LIN9: variants seen among roughly 807,000 people sequenced by gnomAD.
The protein encoded by LIN9 is protein lin-9 homolog.
In LIN9, 18 loss-of-function variants were observed where a neutral mutation model predicts 78.0. The ratio of observed to expected loss-of-function variants is 0.23; its 90% CI spans 0.16 to 0.34. LIN9 has a LOEUF of 0.34. Among genes scored for constraint, LIN9 ranks in the 10% least tolerant of loss-of-function variants. LIN9 has a pLI of 1.00. For synonymous variants in LIN9, 192 were observed against 215.2 expected (o/e 0.89, Z 0.94); for missense variants, 451 against 644.1 (o/e 0.70, Z 3.25).
At chr1:226,242,287 G>T (rs1658164428) in intron 11 of LIN9, among the ~76,000 whole-genome samples, 2 of 152,164 alleles carry the variant, frequency 1.3e-5, no homozygotes, top group African/African-American at 4.8e-5. Context: ...ATATGTTTGT[G>T]TGTGTACGAA....
chr1:226,236,116 T>A (rs1657687916), intron 12 of LIN9, among the ~76,000 whole-genome samples: 1 of 152,182 alleles, frequency 6.6e-6, no homozygotes, highest in African/African-American at 2.4e-5. Context: ...TGTTTATTTC[T>A]AATATTTTTT....
intron 1 of LIN9, among the ~76,000 whole-genome samples, chr1:226,301,531 G>C (rs183431937): frequency 1.3e-5 from 2 of 152,288 alleles, no homozygotes; most frequent in Admixed American, 1.3e-4. Flanking sequence ...GCGTGCTGTG[G>C]TGCTGGAAGA....
At chr1:226,270,297 A>G (rs778049264) in intron 7 of LIN9, among the ~76,000 whole-genome samples, 10 of 152,164 alleles carry the variant, frequency 6.6e-5, no homozygotes, top group Non-Finnish European at 1.2e-4. Flanking sequence ...TAATAAATAT[A>G]AGAATAAAAA....
chr1:226,240,608 C>T (rs542034238), intron 11 of LIN9, among the ~76,000 whole-genome samples: 42 of 152,150 alleles, frequency 2.8e-4, no homozygotes, highest in Non-Finnish European at 5.4e-4. Flanking sequence ...AGGCTGGTCT[C>T]GAACTCCTGA....
chr1:226,256,697 T>TA (rs1276057822), intron 10 of LIN9, among the ~76,000 whole-genome samples: 2 of 151,510 alleles, frequency 1.3e-5, no homozygotes, highest in African/African-American at 4.8e-5. Context: ...TAGCTGGGAC[T>TA]ACAGGCGCCC....
chr1:226,241,653 T>C (rs1217966644), intron 11 of LIN9, among the ~76,000 whole-genome samples: 1 of 151,984 alleles, frequency 6.6e-6, no homozygotes, highest in East Asian at 1.9e-4. Flanking sequence ...GGTCAGGAGA[T>C]CGAGACCATC....
In LIN9 at chr1:226,269,285, A is replaced by T. The variant is rs549580990; in HGVS notation, c.683-1195T>A. 3.3e-5 allele frequency among the ~76,000 whole-genome samples: 5 copies of T among 152,348 alleles called. 1 individual carries two copies. In the South Asian group the frequency reaches 1.0e-3, roughly 32 times the overall value. ...TTTCTGACAGATCCTTTAAGGGAAA[A>T]GTAAACATGGATACAGAAGATGTAA... On this transcript the variant is annotated intron_variant, in intron 7 of 14. Transcript: ENST00000681046.
At chr1:226,290,753 CCTTT>C (rs1017517991) in intron 4 of LIN9, among the ~76,000 whole-genome samples, 2 of 152,050 alleles carry the variant, frequency 1.3e-5, no homozygotes, top group Non-Finnish European at 2.9e-5. Context: ...CAATTTCTTT[CCTTT>C]TTTTAAAAAA....
At chr1:226,288,081 CTT>C (rs1397242172) in intron 4 of LIN9, among the ~76,000 whole-genome samples, 3 of 152,034 alleles carry the variant, frequency 2.0e-5, no homozygotes, top group Admixed American at 6.6e-5. Flanking sequence ...AAGCTACTCT[CTT>C]GTCTCAACCT....
At chr1:226,267,139 AG>A (rs2102912914) in intron 8 of LIN9, among the ~76,000 whole-genome samples, 1 of 151,542 alleles carries the variant, frequency 6.6e-6, no homozygotes, top group African/African-American at 2.4e-5. Flanking sequence ...AAAACTTAAG[AG>A]CAGTGTACTC....
At chr1:226,279,918 T>A (rs1226588574) in intron 6 of LIN9, among the ~76,000 whole-genome samples, 1 of 152,158 alleles carries the variant, frequency 6.6e-6, no homozygotes, top group African/African-American at 2.4e-5. Context: ...TTTTTCACCA[T>A]CCTTTGATGA....
chr1:226,289,733 A>G (rs1007459667), intron 4 of LIN9, among the ~76,000 whole-genome samples: 1 of 150,966 alleles, frequency 6.6e-6, no homozygotes, highest in Non-Finnish European at 1.5e-5. Context: ...GTAATCCCAA[A>G]TACTTATACG....
intron 4 of LIN9, among the ~76,000 whole-genome samples, chr1:226,290,056 A>G (rs1661653925): frequency 6.6e-6 from 1 of 152,158 alleles, no homozygotes; most frequent in South Asian, 2.1e-4. Context: ...AAAATATTTT[A>G]AAATCCCATA....
At position 226,250,908 on chromosome 1, in the gene LIN9, T is replaced by C. The variant is rs751159351; in HGVS notation, c.1050A>G (p.Ser350=). ...GTTCCTTTTTAATCATGAGAATTTT[T>C]GATAATCTGGTCTACAGACAAAGAA... ...VEFLIQVTRL[S]KILMIKKEHI... is the part of the protein sequence containing the mutation. The change falls in exon 11 of 15, where the codon TCA becomes TCG. Residue 350 remains serine, a synonymous_variant. Coordinates refer to ENST00000681046, the MANE Select transcript of LIN9 (RefSeq NM_001366245.2). 4 of 1,508,710 alleles carry C rather than the reference T, an allele frequency of 2.7e-6. No homozygotes were observed. In the South Asian group the frequency reaches 4.7e-5, roughly 18 times the overall value. The allele number at this position is 1,508,710 out of a possible 1,614,324, so 93.5% of individuals were successfully genotyped here. A position where few individuals can be genotyped will look rare whatever the true frequency, so the allele number is the denominator to read the frequency against.
intron 6 of LIN9, among the ~76,000 whole-genome samples, chr1:226,283,278 A>ATTTTTTTTT (rs71574569): frequency 3.6e-5 from 3 of 84,210 alleles, no homozygotes; most frequent in African/African-American, 1.0e-4. Context: ...TAATTTTTGA[A>ATTTTTTTTT]TTTTTTTTTT....
intron 7 of LIN9, among the ~76,000 whole-genome samples, chr1:226,277,506 G>A (rs867193853): frequency 1.1e-4 from 17 of 152,284 alleles, no homozygotes; most frequent in Non-Finnish European, 2.2e-4. Context: ...TGTCCCATGT[G>A]TACGTGTAAA....
chr1:226,235,630 T>C (rs1331467229), intron 12 of LIN9, among the ~76,000 whole-genome samples: 1 of 152,206 alleles, frequency 6.6e-6, no homozygotes, highest in African/African-American at 2.4e-5. Context: ...TCAAAAAATT[T>C]TGGACTTTGG....
chr1:226,299,366 TG>T (rs1462326434), intron 2 of LIN9, among the ~76,000 whole-genome samples: 2 of 151,820 alleles, frequency 1.3e-5, no homozygotes, highest in Non-Finnish European at 2.9e-5. Context: ...TAGCCAGGTG[TG>T]GTGATGCATG....
At chr1:226,292,791 C>T (rs903888166) in intron 4 of LIN9, among the ~76,000 whole-genome samples, 14 of 152,126 alleles carry the variant, frequency 9.2e-5, no homozygotes, top group Non-Finnish European at 2.9e-5. Flanking sequence ...TCTATCTCAA[C>T]AAAGCTGGTT....
Sources: allele counts gnomAD v4.1 joint callset (sites outside exome capture counted in the v4.1 genomes callset), GRCh38; gene constraint gnomAD v4.1.1; transcripts MANE v1.5; gene names NCBI Gene and HGNC (gene_info 2026-07-23, HGNC 2026-07-21).